Variants in TMEM161B observed in about 807,000 individuals in gnomAD.
The protein encoded by TMEM161B is transmembrane protein 161B.
TMEM161B carries 34 observed loss-of-function variants against 61.8 expected under a neutral mutation model. That is an observed-to-expected ratio of 0.55 (90% confidence interval 0.42 to 0.73). The LOEUF is 0.73. TMEM161B is among the 30% of genes least tolerant of loss of function. TMEM161B has a pLI of 0.00. For missense variants in TMEM161B, 456 were observed against 558.5 expected, an observed-to-expected ratio of 0.82 and a Z score of 1.85; for synonymous variants, 167 against 192.8, an observed-to-expected ratio of 0.87 and a Z score of 1.11.
chr5:88,211,603 T>C (rs1359254904), intron 5 of TMEM161B, among the ~76,000 whole-genome samples: 2 of 151,566 alleles, frequency 1.3e-5, no homozygotes, highest in African/African-American at 4.8e-5. Flanking sequence ...ACTGAAAATA[T>C]AAAAATTAGC....
chr5:88,207,178 T>C lies in TMEM161B; in HGVS notation c.449A>G (p.Lys150Arg). 1 of 1,603,260 alleles carries C rather than the reference T, an allele frequency of 6.2e-7. No individual in the cohort carries two copies. Among genetic ancestry groups the C allele is most frequent in the South Asian group, 1.1e-5 (1 of 88,022 alleles). Reference sequence around the variant, plus strand: ...GTGTGTAGTTAATGAAAATAGAACTTTGCTGCAGAAGGAAAAGTTCAGGAA... The same window carrying C: ...GTGTGTAGTTAATGAAAATAGAACTCTGCTGCAGAAGGAAAAGTTCAGGAA... ...WCLLVLSFAI[K>R]VLFSLTTHYF... is the part of the protein sequence containing the mutation. The change falls in exon 6 of 12, where the codon AAA (lysine) becomes AGA (arginine). Residue 150 changes from lysine to arginine, a missense_variant and splice_region_variant. Physicochemically the swap from Lys to Arg is conservative, Grantham distance 26. This residue lies in a region of TMEM161B where 367 missense variants were observed against 427.3 expected (regional missense o/e 0.86). Transcript: ENST00000296595.
chr5:88,232,140 T>TA (rs1256464138), intron 2 of TMEM161B, among the ~76,000 whole-genome samples: 2 of 152,046 alleles, frequency 1.3e-5, no homozygotes, highest in Admixed American at 6.5e-5. Context: ...AGCAAAATTG[T>TA]AAAAAAATGT....
At position 88,196,026 on chromosome 5, in the gene TMEM161B, G is replaced by A; in HGVS notation, c.*185C>T. 1 of 1,379,516 alleles carries A rather than the reference G, an allele frequency of 7.2e-7. No individual in the cohort carries two copies. Among genetic ancestry groups the A allele is most frequent in the East Asian group, 2.8e-5 (1 of 36,258 alleles). The allele number at this position is 1,379,516 out of a possible 1,614,324, so 85.5% of individuals were successfully genotyped here. ...AGTGTAACAGTTAACAATCTATTTT[G>A]TAATTTTAAATATTACTACATTAAT... On this transcript the variant is annotated 3_prime_UTR_variant, in exon 12 of 12. Transcript: ENST00000296595.
intron 5 of TMEM161B, among the ~76,000 whole-genome samples, chr5:88,211,158 AT>A (rs932623554): frequency 6.6e-6 from 1 of 152,100 alleles, no homozygotes; most frequent in African/African-American, 2.4e-5. Flanking sequence ...TATAAAAAAA[AT>A]ACGAGCTAAA....
chr5:88,206,574 A>G (rs1399599763), intron 6 of TMEM161B, 75 bp from the exon 7 acceptor site: 4 of 1,353,122 alleles, frequency 3.0e-6, no homozygotes, highest in East Asian at 4.9e-5. Context: ...CCATGGAAAT[A>G]AAATGTTAGA....
At chr5:88,194,030 G>A (rs1749254950), downstream of TMEM161B, among the ~76,000 whole-genome samples, 1 of 152,102 alleles carries the variant, frequency 6.6e-6, no homozygotes, top group African/African-American at 2.4e-5. Flanking sequence ...GCATACATGT[G>A]CCGGTTTGCT....
chr5:88,200,716 G>A (rs1744227781), intron 9 of TMEM161B: 2 of 152,042 alleles, frequency 1.3e-5, no homozygotes, highest in South Asian at 2.1e-4. Flanking sequence ...AAGTATATAG[G>A]GAAAGAACAG....
At chr5:88,263,494 C>T (rs1755953088) in intron 1 of TMEM161B, among the ~76,000 whole-genome samples, 1 of 152,118 alleles carries the variant, frequency 6.6e-6, no homozygotes, top group Admixed American at 6.5e-5. Context: ...AAAGAATATT[C>T]ATTTCACCAT....
At chr5:88,207,292 TG>T in intron 5 of TMEM161B, 112 bp from the exon 6 acceptor site, 1 of 1,056,896 alleles carries the variant, frequency 9.5e-7, no homozygotes, top group Non-Finnish European at 1.3e-6. Flanking sequence ...TATTTCCAAG[TG>T]GAGTTTAAAA....
At chr5:88,218,436 G>A (rs1580464592) in intron 5 of TMEM161B, among the ~76,000 whole-genome samples, 1 of 152,092 alleles carries the variant, frequency 6.6e-6, no homozygotes. Context: ...CAACACACTA[G>A]GTGGCTAGGT....
rs1561312635 is a variant in TMEM161B, at chr5:88,203,793, AT to A, written c.801-719del. ...TATATATATATATATATATATATAT[AT>A]ATATATATATATATATATATAATTT... On this transcript the variant is annotated intron_variant, in intron 8 of 11. Coordinates refer to ENST00000296595, the MANE Select transcript of TMEM161B (RefSeq NM_153354.5). Among the ~76,000 whole-genome samples, 121 of 30,848 alleles carry A rather than the reference AT, an allele frequency of 3.9e-3. 7 individuals are homozygous for A. Among genetic ancestry groups the A allele is most frequent in the Admixed American group, 0.017 (41 of 2,388 alleles). 20.2% of individuals were successfully genotyped at this position (30,848 alleles called of 152,430 possible).
chr5:88,222,077 A>G (rs1253523180), intron 4 of TMEM161B, among the ~76,000 whole-genome samples: 2 of 152,146 alleles, frequency 1.3e-5, no homozygotes, highest in Non-Finnish European at 2.9e-5. Flanking sequence ...ATCTGCTTCA[A>G]CGTACTTTAA....
chr5:88,186,020 C>G (rs1748341740), downstream of TMEM161B, among the ~76,000 whole-genome samples: 1 of 152,178 alleles, frequency 6.6e-6, no homozygotes, highest in South Asian at 2.1e-4. Context: ...CAACTTCTGT[C>G]AAGACCTTCA....
intron 1 of TMEM161B, chr5:88,250,765 C>T (rs1580696191): frequency 6.6e-6 from 1 of 152,110 alleles, no homozygotes; most frequent in African/African-American, 2.4e-5. Context: ...GCCCTCAGTT[C>T]GAGACAAATA....
At chr5:88,254,217 T>C (rs1272007570) in intron 1 of TMEM161B, among the ~76,000 whole-genome samples, 2 of 152,198 alleles carry the variant, frequency 1.3e-5, no homozygotes, top group African/African-American at 4.8e-5. Context: ...GTATTAATTC[T>C]GAAAACAGAG....
At chr5:88,190,945 G>C (rs916534512), downstream of TMEM161B, among the ~76,000 whole-genome samples, 1 of 152,036 alleles carries the variant, frequency 6.6e-6, no homozygotes, top group Admixed American at 6.5e-5. Context: ...TCATGATACT[G>C]CTAAAAACAT....
At chr5:88,251,711 C>A (rs1175692939) in intron 1 of TMEM161B, among the ~76,000 whole-genome samples, 3 of 152,096 alleles carry the variant, frequency 2.0e-5, no homozygotes, top group Non-Finnish European at 4.4e-5. Context: ...TGATCTTAAA[C>A]AATGTTAAAA....
At chr5:88,243,610 C>T (rs991712986) in intron 1 of TMEM161B, among the ~76,000 whole-genome samples, 1 of 151,844 alleles carries the variant, frequency 6.6e-6, no homozygotes, top group Non-Finnish European at 1.5e-5. Context: ...GAATGTATAT[C>T]CAATAATGGG....
intron 5 of TMEM161B, among the ~76,000 whole-genome samples, chr5:88,211,198 G>C (rs1746657459): frequency 2.0e-5 from 3 of 151,328 alleles, no homozygotes; most frequent in African/African-American, 7.3e-5. Flanking sequence ...GTAACTTCAA[G>C]AAAAAAAGAG....
Sources: gnomAD v4.1 joint callset for allele counts (sites outside exome capture counted in the v4.1 genomes callset) on GRCh38, gnomAD v4.1.1 for gene constraint, gnomAD v4.1.1 regional missense constraint, MANE v1.5 for transcripts, NCBI Gene and HGNC (gene_info 2026-07-23, HGNC 2026-07-21) for gene names.